The following AP1G1 variants were observed in gnomAD, a reference collection of about 807,000 sequenced individuals.
AP1G1 encodes adaptor related protein complex 1 subunit gamma 1.
AP1G1 carries 7 observed loss-of-function variants against 108.3 expected under a neutral mutation model. The ratio of observed to expected loss-of-function variants is 0.06; its 90% CI spans 0.04 to 0.12. The LOEUF is 0.12. Among genes scored for constraint, AP1G1 ranks in the 10% least tolerant of loss-of-function variants. The probability of loss-of-function intolerance (pLI) is 1.00; values close to 1 mark genes in which losing one functional copy is unlikely to be tolerated. For synonymous variants in AP1G1, 379 were observed against 353.5 expected (o/e 1.07, Z -0.81); for missense variants, 756 against 1,010.7 (o/e 0.75, Z 3.42).
intron 2 of AP1G1, among the ~76,000 whole-genome samples, chr16:71,779,769 C>T (rs1236773514): frequency 6.6e-6 from 1 of 151,984 alleles, no homozygotes; most frequent in East Asian, 1.9e-4. Flanking sequence ...GTGTTTAATC[C>T]GGTTACCCCT....
rs2045587420 is a variant in AP1G1 at position 71,739,217 on chromosome 16, A to G, written c.2107+17T>C. ...ACTCAGTGCTCCATGTAATGATGGT[A>G]ACAACAGTCATCGTACCTGCAGCAA... On this transcript the variant is annotated intron_variant, in intron 20 of 22. Coordinates refer to ENST00000299980, the MANE Select transcript of AP1G1 (RefSeq NM_001128.6). 6.2e-7 allele frequency: 1 copy of G among 1,610,342 alleles called. No homozygotes were observed. Among genetic ancestry groups the G allele is most frequent in the Non-Finnish European group, 8.5e-7 (1 of 1,177,042 alleles).
Position 71,807,945 on chromosome 16 carries a change from T to A in AP1G1, c.-4+818A>T, listed in dbSNP as rs1403224580. The stretch of plus-strand genomic sequence containing the variant: ...GAGGGAATCCACATATGAGAAAACA[T>A]TTGACAGCTCTTGCCTCCCAAAAGC... On this transcript the variant is annotated intron_variant, in intron 1 of 22. Transcript: ENST00000299980. 4 of 1,265,286 alleles carry A rather than the reference T, an allele frequency of 3.2e-6. No homozygotes were observed. In the East Asian group the frequency reaches 2.2e-4, roughly 71 times the overall value. The allele number at this position is 1,265,286 out of a possible 1,614,324, so 78.4% of individuals were successfully genotyped here.
In AP1G1 at chr16:71,733,142, C is replaced by G. The variant is rs757454113; in HGVS notation, c.2385G>C (p.Arg795=). Residue 795 remains arginine (R), a synonymous_variant, in exon 23 of 23, where the codon CGG becomes CGC. Transcript: ENST00000299980. The part of the protein sequence containing the change: ...LNPQKQQLRM[R]IKLTYNHKGS... ...CCTTGTGATTATATGTAAGCTTGAT[C>G]CGCATTCGCAGCTGTTGCTATAAGA... 6.2e-7 allele frequency: 1 copy of G among 1,614,024 alleles called. No homozygotes were observed. The highest frequency in any genetic ancestry group is 1.1e-5 in the South Asian group (1 of 91,070).
At chr16:71,768,061 G>C (rs553875989) in intron 6 of AP1G1, among the ~76,000 whole-genome samples, 4 of 151,600 alleles carry the variant, frequency 2.6e-5, no homozygotes, top group Admixed American at 2.6e-4. Context: ...AAAGTACAAA[G>C]TGAGTTCTAT....
At chr16:71,780,302 C>T (rs2031963780) in intron 2 of AP1G1, among the ~76,000 whole-genome samples, 2 of 151,964 alleles carry the variant, frequency 1.3e-5, no homozygotes, top group Middle Eastern at 3.4e-3. Context: ...GTTTCTTAAA[C>T]AAAGTTTTGT....
At chr16:71,793,199 TAAC>T (rs2032465698) in intron 1 of AP1G1, among the ~76,000 whole-genome samples, 1 of 151,982 alleles carries the variant, frequency 6.6e-6, no homozygotes, top group African/African-American at 2.4e-5. Context: ...ACAAAACAAA[TAAC>T]AATAATAAAC....
chr16:71,736,117 A>AAAAAAAAAAAAAAAAAAAAATAT (rs1555550846), intron 21 of AP1G1, among the ~76,000 whole-genome samples: 1 of 71,636 alleles, frequency 1.4e-5, no homozygotes, highest in African/African-American at 6.2e-5. Context: ...AAAAAAAAAA[A>AAAAAAAAAAAAAAAAAAAAATAT]ATATATATAT....
At chr16:71,772,684 G>C (rs2031623046) in intron 4 of AP1G1, among the ~76,000 whole-genome samples, 1 of 152,086 alleles carries the variant, frequency 6.6e-6, no homozygotes, top group African/African-American at 2.4e-5. Context: ...TCATTTCTTG[G>C]ACTTCTAAAT....
intron 2 of AP1G1, among the ~76,000 whole-genome samples, chr16:71,778,902 T>C (rs774025564): frequency 1.2e-4 from 19 of 152,152 alleles, no homozygotes; most frequent in Non-Finnish European, 2.5e-4. Context: ...ATCAATTACA[T>C]GCATCTGCCC....
At chr16:71,766,478 A>G in intron 6 of AP1G1, 1 of 462,782 alleles carries the variant, frequency 2.2e-6, no homozygotes. Flanking sequence ...TTAAAACAAA[A>G]GGTTTGCCAC....
In AP1G1 at chr16:71,748,253, T is replaced by C. The variant is rs376322134; in HGVS notation, c.1623A>G (p.Val541=). 1 of 1,613,190 alleles carries C rather than the reference T, an allele frequency of 6.2e-7. No homozygotes were observed. Among genetic ancestry groups the C allele is most frequent in the East Asian group, 2.2e-5 (1 of 44,876 alleles). The part of the protein sequence containing the change: ...MKLSTRFTCT[V]NRIKKVVSIY... Reference sequence around the variant, plus strand: ...CCCTATGTTTCTTCAATACTCACTTTACAGTACAAGTGAATCGAGTGGAAA... The same window carrying C: ...CCCTATGTTTCTTCAATACTCACTTCACAGTACAAGTGAATCGAGTGGAAA... Residue 541 remains valine, a splice_region_variant and synonymous_variant, in exon 16 of 23, where the codon GTA becomes GTG. Coordinates refer to ENST00000299980, the MANE Select transcript of AP1G1 (RefSeq NM_001128.6).
intron 13 of AP1G1, 180 bp downstream of exon 13, chr16:71,753,653 T>A: frequency 3.1e-6 from 2 of 640,084 alleles, no homozygotes; most frequent in Non-Finnish European, 5.6e-6. Context: ...CACCTTATCC[T>A]GCCATCATTA....
At chr16:71,787,629 T>C (rs935519784) in intron 2 of AP1G1, among the ~76,000 whole-genome samples, 3 of 152,230 alleles carry the variant, frequency 2.0e-5, no homozygotes, top group African/African-American at 7.2e-5. Context: ...ATTTCTAATA[T>C]ATCAGATTTC....
chr16:71,805,833 C>T (rs1380979885), intron 1 of AP1G1, among the ~76,000 whole-genome samples: 1 of 152,074 alleles, frequency 6.6e-6, no homozygotes, highest in Non-Finnish European at 1.5e-5. Context: ...CCAGCCTGGG[C>T]AACATGACAA....
At chr16:71,771,044 C>A in intron 5 of AP1G1, 112 bp downstream of exon 5, 1 of 582,952 alleles carries the variant, frequency 1.7e-6, no homozygotes, top group Admixed American at 3.5e-5. Context: ...GTCTAAGGCA[C>A]AGCAGAAACG....
intron 1 of AP1G1, among the ~76,000 whole-genome samples, chr16:71,791,751 A>G (rs190534388): frequency 6.9e-6 from 1 of 144,440 alleles, no homozygotes; most frequent in East Asian, 2.1e-4. Context: ...AAAAGCTAAC[A>G]CTAAACTCTG....
chr16:71,764,598 C>T, intron 8 of AP1G1, 48 bp downstream of exon 8: 1 of 1,422,752 alleles, frequency 7.0e-7, no homozygotes, highest in Non-Finnish European at 9.5e-7. Context: ...CATTCTACTC[C>T]CAGCGAAACT....
intron 1 of AP1G1, among the ~76,000 whole-genome samples, chr16:71,807,340 G>A (rs556633155): frequency 1.3e-5 from 2 of 152,364 alleles, no homozygotes; most frequent in African/African-American, 4.8e-5. Context: ...GCTGAGGCAG[G>A]AGAACTGCTT....
At chr16:71,766,195 T>C (rs2031305600) in intron 6 of AP1G1, among the ~76,000 whole-genome samples, 1 of 152,188 alleles carries the variant, frequency 6.6e-6, no homozygotes. Context: ...TTAAGAGACA[T>C]CAAGGCCATG....
Sources: allele counts gnomAD v4.1 joint callset (sites outside exome capture counted in the v4.1 genomes callset), GRCh38; gene constraint gnomAD v4.1.1; transcripts MANE v1.5; gene names NCBI Gene and HGNC (gene_info 2026-07-23, HGNC 2026-07-21).